NCKAP5: variants seen among roughly 807,000 people sequenced by gnomAD.
The protein encoded by NCKAP5 is NCK associated protein 5, also known as nck-associated protein 5.
In NCKAP5, 92 loss-of-function variants were observed where a neutral mutation model predicts 167.0. That is an observed-to-expected ratio of 0.55 (90% confidence interval 0.47 to 0.66). The LOEUF (loss-of-function observed/expected upper bound fraction) is 0.66, where lower values mean the gene tolerates loss of function less well. Among genes scored for constraint, NCKAP5 ranks in the 30% least tolerant of loss-of-function variants. The probability of loss-of-function intolerance (pLI) is 0.00; values close to 1 mark genes in which losing one functional copy is unlikely to be tolerated. For synonymous variants in NCKAP5, 891 were observed against 877.4 expected, an observed-to-expected ratio of 1.02 and a Z score of -0.27; for missense variants, 2,378 against 2,315.0, an observed-to-expected ratio of 1.03 and a Z score of -0.56.
chr2:132,849,673 C>T (rs1232911153), intron 11 of NCKAP5, among the ~76,000 whole-genome samples: 2 of 152,078 alleles, frequency 1.3e-5, no homozygotes, highest in African/African-American at 2.4e-5. Context: ...AAGAATGGCC[C>T]GAGGTCACCT....
chr2:133,456,677 T>C (rs1691883361), intron 3 of NCKAP5, among the ~76,000 whole-genome samples: 2 of 152,236 alleles, frequency 1.3e-5, no homozygotes, highest in South Asian at 4.1e-4. Flanking sequence ...AGGAGGCTGC[T>C]GACCCCAAAT....
chr2:133,517,812 G>A (rs1020500131), intron 2 of NCKAP5, among the ~76,000 whole-genome samples: 11 of 152,134 alleles, frequency 7.2e-5, no homozygotes, highest in African/African-American at 2.7e-4. Flanking sequence ...ATGGAGTTGG[G>A]GAATGGGTTT....
At chr2:133,095,981 C>T (rs1462740075) in intron 6 of NCKAP5, among the ~76,000 whole-genome samples, 2 of 152,202 alleles carry the variant, frequency 1.3e-5, no homozygotes, top group Non-Finnish European at 2.9e-5. Flanking sequence ...GAAGAATAGG[C>T]ATCCACAAGG....
rs1696616808 is a variant in NCKAP5, at chr2:132,933,694, GTTTC to G, written c.579+30022_579+30025del. ...GCTTTGATCTGATCAAAATGTATGA[GTTTC>G]TTTTTTTGTCACCATAATTTAAAGA... On this transcript the variant is annotated intron_variant, in intron 8 of 19. Coordinates refer to ENST00000409261, the MANE Select transcript of NCKAP5 (RefSeq NM_207363.3). Among the ~76,000 whole-genome samples, 3 of 152,162 alleles carry G rather than the reference GTTTC, an allele frequency of 2.0e-5. No individual in the cohort carries two copies. In the South Asian group the frequency reaches 6.2e-4, roughly 32 times the overall value.
At chr2:133,365,524 T>TACACACAC (rs3083042) in intron 3 of NCKAP5, among the ~76,000 whole-genome samples, 2,304 of 149,280 alleles carry the variant, frequency 0.015, 51 homozygotes, top group African/African-American at 0.052. Flanking sequence ...ATACTTAGCC[T>TACACACAC]ACACACACAC....
chr2:132,828,038 T>G (rs964442393), intron 11 of NCKAP5, among the ~76,000 whole-genome samples: 18 of 152,104 alleles, frequency 1.2e-4, no homozygotes, highest in Non-Finnish European at 2.9e-5. Context: ...TGTTTATTCA[T>G]CTGTAAAAGA....
At chr2:133,272,343 A>G (rs1184048391) in intron 4 of NCKAP5, among the ~76,000 whole-genome samples, 1 of 152,144 alleles carries the variant, frequency 6.6e-6, no homozygotes, top group Admixed American at 6.5e-5. Flanking sequence ...AACAGTGGAG[A>G]CATAAATCAA....
intron 12 of NCKAP5, among the ~76,000 whole-genome samples, chr2:132,794,825 G>A (rs1684451338): frequency 6.6e-6 from 1 of 152,156 alleles, no homozygotes; most frequent in Non-Finnish European, 1.5e-5. Flanking sequence ...ATAGCCAAAA[G>A]TGGATGGACT....
At chr2:133,569,297 C>T (rs1688766563), upstream of NCKAP5, among the ~76,000 whole-genome samples, 1 of 152,096 alleles carries the variant, frequency 6.6e-6, no homozygotes, top group South Asian at 2.1e-4. Flanking sequence ...CTAGCCCCCA[C>T]CTAGAGAAAT....
At chr2:133,626,116 C>T in the NCKAP5 span, among the ~76,000 whole-genome samples, 1 of 152,028 alleles carries the variant, frequency 6.6e-6, no homozygotes, top group Non-Finnish European at 1.5e-5. Flanking sequence ...GAATTTTTCA[C>T]AAATAAATGA....
At chr2:133,278,499 T>A (rs1165546926) in intron 4 of NCKAP5, among the ~76,000 whole-genome samples, 2 of 152,132 alleles carry the variant, frequency 1.3e-5, no homozygotes, top group Non-Finnish European at 2.9e-5. Context: ...CAAGGACCTG[T>A]GATTACACTG....
intron 5 of NCKAP5, among the ~76,000 whole-genome samples, chr2:133,212,453 C>T (rs184123960): frequency 2.2e-4 from 34 of 152,248 alleles, no homozygotes; most frequent in African/African-American, 7.2e-4. Context: ...CTGCAACCTC[C>T]GCCTCCCAGG....
chr2:132,694,541 T>C lies in NCKAP5; in HGVS notation c.5714-21236A>G, dbSNP rs566653222. 6.6e-5 allele frequency among the ~76,000 whole-genome samples: 10 copies of C among 152,318 alleles called. No individual in the cohort carries two copies. The East Asian group carries it at 1.7e-3, about 26-fold the overall frequency. On this transcript the variant is annotated intron_variant, in intron 19 of 19. Coordinates refer to ENST00000409261, the MANE Select transcript of NCKAP5 (RefSeq NM_207363.3). ...TCAATTCCCTAGTAAAATTTGAAAA[T>C]GCTGGAATTAGGCCCAGGATTCGAT... is the stretch of plus-strand genomic sequence containing the variant.
At chr2:132,765,231 T>G (rs989801577) in intron 16 of NCKAP5, among the ~76,000 whole-genome samples, 2 of 152,102 alleles carry the variant, frequency 1.3e-5, no homozygotes, top group Non-Finnish European at 2.9e-5. Flanking sequence ...AAATAGGAAC[T>G]ATGCATAAAT....
intron 8 of NCKAP5, among the ~76,000 whole-genome samples, chr2:132,954,152 G>A (rs1304118785): frequency 6.6e-6 from 1 of 152,154 alleles, no homozygotes; most frequent in African/African-American, 2.4e-5. Flanking sequence ...TCTATGACTT[G>A]CAACTGAAAG....
chr2:132,818,661 C>A (rs1242642403), intron 11 of NCKAP5, among the ~76,000 whole-genome samples: 2 of 152,184 alleles, frequency 1.3e-5, no homozygotes, highest in Non-Finnish European at 2.9e-5. Flanking sequence ...GCACTCCAGC[C>A]TGGGTGACAG....
At chr2:133,277,192 A>C (rs1226944899) in intron 4 of NCKAP5, among the ~76,000 whole-genome samples, 1 of 152,190 alleles carries the variant, frequency 6.6e-6, no homozygotes, top group Non-Finnish European at 1.5e-5. Flanking sequence ...GCAATTATGC[A>C]AGATAAATCA....
At chr2:133,339,330 GA>G (rs1007816983) in intron 3 of NCKAP5, among the ~76,000 whole-genome samples, 39 of 147,626 alleles carry the variant, frequency 2.6e-4, no homozygotes, top group East Asian at 9.8e-4. Context: ...AGTCACTGGG[GA>G]AAAAAAAAAA....
At position 133,218,201 on chromosome 2, in the gene NCKAP5, A is replaced by G. The variant is rs192033850; in HGVS notation, c.144-4422T>C. On this transcript the variant is annotated intron_variant, in intron 4 of 19. Coordinates refer to ENST00000409261, the MANE Select transcript of NCKAP5 (RefSeq NM_207363.3). ...AAAAAGCCAATAAACCCATGCCAAC[A>G]TAAGTAAAACATTTTTATTAAAAGT... Among the ~76,000 whole-genome samples, 23 of 152,332 alleles carry G rather than the reference A, an allele frequency of 1.5e-4. No homozygotes were observed. In the East Asian group the frequency reaches 3.7e-3, roughly 24 times the overall value.
Sources: allele counts gnomAD v4.1 joint callset (sites outside exome capture counted in the v4.1 genomes callset), GRCh38; gene constraint gnomAD v4.1.1; transcripts MANE v1.5; gene names NCBI Gene and HGNC (gene_info 2026-07-23, HGNC 2026-07-21).